AKAP19: variants seen among roughly 807,000 people sequenced by gnomAD.
AKAP19 encodes small A-kinase anchoring protein.
the AKAP19 span, among the ~76,000 whole-genome samples, chr2:190,118,914 G>C: frequency 1.3e-5 from 2 of 152,224 alleles, no homozygotes; most frequent in African/African-American, 2.4e-5. Flanking sequence ...ATTAGGAAAA[G>C]AGGAAGTCAA....
At chr2:190,125,234 G>C in the AKAP19 span, among the ~76,000 whole-genome samples, 1 of 152,192 alleles carries the variant, frequency 6.6e-6, no homozygotes, top group African/African-American at 2.4e-5. Flanking sequence ...CAGCATGGCT[G>C]TAATGATATC....
the AKAP19 span, among the ~76,000 whole-genome samples, chr2:190,051,114 A>G: frequency 1.3e-5 from 2 of 152,126 alleles, no homozygotes; most frequent in Non-Finnish European, 2.9e-5. Flanking sequence ...GTATCTCTAC[A>G]TTTGTATTTC....
the AKAP19 span, among the ~76,000 whole-genome samples, chr2:190,033,070 A>G: frequency 1.3e-5 from 2 of 152,242 alleles, no homozygotes; most frequent in South Asian, 2.1e-4. Flanking sequence ...TCATACAGTG[A>G]GGAGAACAAC....
chr2:189,949,631 C>CTTTTT, the AKAP19 span, among the ~76,000 whole-genome samples: 86 of 117,732 alleles, frequency 7.3e-4, no homozygotes, highest in African/African-American at 1.1e-3. Context: ...CTTTTTCTTT[C>CTTTTT]TTTTTTTTTT....
chr2:189,896,063 T>TCTCA, the AKAP19 span, among the ~76,000 whole-genome samples: 1 of 152,016 alleles, frequency 6.6e-6, no homozygotes, highest in Non-Finnish European at 1.5e-5. Flanking sequence ...GTTTTAGTCA[T>TCTCA]CTCACATTCA....
At chr2:189,940,009 G>T in the AKAP19 span, among the ~76,000 whole-genome samples, 1 of 152,184 alleles carries the variant, frequency 6.6e-6, no homozygotes, top group Admixed American at 6.5e-5. Context: ...GCCAGGTGCG[G>T]TGGCTCACGC....
At chr2:190,179,724 G>T in the AKAP19 span, among the ~76,000 whole-genome samples, 1 of 152,162 alleles carries the variant, frequency 6.6e-6, no homozygotes, top group Non-Finnish European at 1.5e-5. The surrounding 1 kb of genome is among the most constrained non-coding windows in gnomAD (Gnocchi z 6.0). Context: ...TCAGTTTATA[G>T]ATTGTTAGTT....
chr2:190,094,145 T>G, the AKAP19 span, among the ~76,000 whole-genome samples: 1 of 152,094 alleles, frequency 6.6e-6, no homozygotes, highest in Non-Finnish European at 1.5e-5. Flanking sequence ...TAAATAGGAG[T>G]CTTGTGGCTG....
the AKAP19 span, among the ~76,000 whole-genome samples, chr2:190,080,379 T>G: frequency 6.6e-6 from 1 of 152,232 alleles, no homozygotes; most frequent in African/African-American, 2.4e-5. Context: ...AGGTGGTAAG[T>G]GCTCTTCTGA....
At chr2:189,923,501 C>G in the AKAP19 span, 1 of 1,613,732 alleles carries the variant, frequency 6.2e-7, no homozygotes, top group African/African-American at 1.3e-5. Context: ...TGCCTTCTTT[C>G]AGTATGTTAA....
At chr2:190,084,527 G>A in the AKAP19 span, among the ~76,000 whole-genome samples, 2,675 of 152,258 alleles carry the variant, frequency 0.018, 76 homozygotes, top group African/African-American at 0.06. Context: ...TTTTGAGGCT[G>A]TATTATATAA....
the AKAP19 span, among the ~76,000 whole-genome samples, chr2:190,053,045 C>A: frequency 6.6e-6 from 1 of 152,074 alleles, no homozygotes; most frequent in African/African-American, 2.4e-5. Flanking sequence ...GAAACAATAG[C>A]ATAATACTGT....
the AKAP19 span, among the ~76,000 whole-genome samples, chr2:190,177,652 A>G: frequency 1.3e-5 from 2 of 152,202 alleles, no homozygotes; most frequent in Non-Finnish European, 2.9e-5. The surrounding 1 kb of genome is among the most constrained non-coding windows in gnomAD (Gnocchi z 4.6). Flanking sequence ...TTAAGTAGAG[A>G]AACCAGTGGC....
chr2:189,908,838 A>G, the AKAP19 span, among the ~76,000 whole-genome samples: 2 of 152,272 alleles, frequency 1.3e-5, no homozygotes, highest in African/African-American at 2.4e-5. Flanking sequence ...TGTTACTATT[A>G]GATGGAATGT....
At chr2:189,923,745 C>T in the AKAP19 span, 1 of 1,613,660 alleles carries the variant, frequency 6.2e-7, no homozygotes, top group Admixed American at 1.7e-5. Flanking sequence ...CCTCCTATTG[C>T]TCGGGCTGTA....
the AKAP19 span, among the ~76,000 whole-genome samples, chr2:190,120,602 A>G: frequency 6.6e-6 from 1 of 152,150 alleles, no homozygotes; most frequent in Non-Finnish European, 1.5e-5. Context: ...TGAAGAAATA[A>G]CTCACTTTAA....
At chr2:189,931,362 G>T in the AKAP19 span, among the ~76,000 whole-genome samples, 3 of 151,998 alleles carry the variant, frequency 2.0e-5, no homozygotes, top group African/African-American at 7.2e-5. Flanking sequence ...ATGCAATATT[G>T]TTATTATTAT....
At chr2:189,985,593 G>A in the AKAP19 span, among the ~76,000 whole-genome samples, 3 of 152,178 alleles carry the variant, frequency 2.0e-5, no homozygotes, top group Admixed American at 6.5e-5. Context: ...ACAGGGAAAG[G>A]GGAACCTTAG....
At chr2:190,077,571 G>T in the AKAP19 span, among the ~76,000 whole-genome samples, 10 of 152,242 alleles carry the variant, frequency 6.6e-5, 1 homozygote, top group African/African-American at 2.4e-4. Flanking sequence ...CCCAAGTGCT[G>T]GGATTACAGG....
Sources: allele counts gnomAD v4.1 joint callset (sites outside exome capture counted in the v4.1 genomes callset), GRCh38; gene constraint gnomAD v4.1.1; non-coding constraint Gnocchi (gnomAD v3.1); transcripts MANE v1.5; gene names NCBI Gene and HGNC (gene_info 2026-07-23, HGNC 2026-07-21).